Variants in POGZ observed in about 807,000 individuals in gnomAD.
POGZ encodes pogo transposable element derived with ZNF domain, also known as pogo transposable element with ZNF domain.
Under a neutral mutation model 134.6 loss-of-function variants are expected in POGZ, and 17 were observed. The ratio of observed to expected loss-of-function variants is 0.13; its 90% CI spans 0.09 to 0.19. The LOEUF is 0.19. Among genes scored for constraint, POGZ ranks in the 10% least tolerant of loss-of-function variants. POGZ has a pLI of 1.00. For missense variants in POGZ, 1,306 were observed against 1,769.7 expected, an observed-to-expected ratio of 0.74 and a Z score of 4.70; for synonymous variants, 693 against 657.1, an observed-to-expected ratio of 1.05 and a Z score of -0.84.
intron 10 of POGZ, among the ~76,000 whole-genome samples, chr1:151,420,740 G>A (rs911930295): frequency 1.2e-4 from 19 of 152,026 alleles, no homozygotes; most frequent in Non-Finnish European, 2.2e-4. Context: ...ATTTAGATTT[G>A]TATTTCAAAA....
chr1:151,406,899 TCTC>T lies in POGZ; in HGVS notation c.2545+9_2545+11del. On this transcript the variant is annotated intron_variant, in intron 17 of 18. Coordinates refer to ENST00000271715, the MANE Select transcript of POGZ (RefSeq NM_015100.4). Reference sequence around the variant, plus strand: ...TCCCCTTGCTCAACTAATCCCCTTCTCTCCTACTTACCCCGTGGCAGGATGCTG... The same window carrying T: ...TCCCCTTGCTCAACTAATCCCCTTCTCTACTTACCCCGTGGCAGGATGCTG... 6.3e-7 allele frequency: 1 copy of T among 1,593,934 alleles called. No homozygotes were observed. Among genetic ancestry groups the T allele is most frequent in the East Asian group, 2.2e-5 (1 of 44,778 alleles).
intron 3 of POGZ, among the ~76,000 whole-genome samples, chr1:151,438,254 A>G (rs529060542): frequency 7.9e-5 from 12 of 152,282 alleles, no homozygotes; most frequent in African/African-American, 2.9e-4. Context: ...TGATGAAAAA[A>G]GTTACAGAAC....
chr1:151,453,904 C>G lies in POGZ; in HGVS notation c.-2+5248G>C, dbSNP rs146015411. ...AAAACAATATACTATTTAAAAGCAG[C>G]AAAAAGAATCCTGCAGATACACCTG... On this transcript the variant is annotated intron_variant, in intron 1 of 18. Coordinates refer to ENST00000271715, the MANE Select transcript of POGZ (RefSeq NM_015100.4). Among the ~76,000 whole-genome samples, 1,377 of 152,186 alleles carry G rather than the reference C, an allele frequency of 9.0e-3. 19 individuals carry two copies. Among genetic ancestry groups the G allele is most frequent in the African/African-American group, 0.031 (1,278 of 41,526 alleles).
intron 5 of POGZ, 75 bp from the exon 6 acceptor site, chr1:151,428,488 A>C (rs980982559): frequency 7.7e-7 from 1 of 1,292,326 alleles, no homozygotes; most frequent in South Asian, 1.3e-5. Flanking sequence ...CCTTTACTGG[A>C]AAGATTATTT....
intron 3 of POGZ, 140 bp downstream of exon 3, chr1:151,440,788 A>G: frequency 1.5e-6 from 1 of 661,904 alleles, no homozygotes; most frequent in South Asian, 2.2e-5. Context: ...CTTCCGTATC[A>G]GAGAATCATT....
At chr1:151,457,228 T>C (rs1662883268) in intron 1 of POGZ, among the ~76,000 whole-genome samples, 1 of 152,190 alleles carries the variant, frequency 6.6e-6, no homozygotes, top group Admixed American at 6.5e-5. Context: ...TAGTTTGAGA[T>C]ACACCACCAA....
intron 10 of POGZ, among the ~76,000 whole-genome samples, chr1:151,420,625 A>G (rs1254005005): frequency 6.6e-6 from 1 of 152,038 alleles, no homozygotes; most frequent in Non-Finnish European, 1.5e-5. Context: ...TGATTCTAAT[A>G]TACATTCTAC....
chr1:151,425,949 C>A (rs1432260072), intron 7 of POGZ, among the ~76,000 whole-genome samples: 1 of 152,122 alleles, frequency 6.6e-6, no homozygotes, highest in African/African-American at 2.4e-5. Flanking sequence ...AAAGTGGCTG[C>A]ATAATTTTAC....
intron 3 of POGZ, among the ~76,000 whole-genome samples, chr1:151,433,187 G>A (rs1417365200): frequency 6.6e-6 from 1 of 152,184 alleles, no homozygotes; most frequent in Non-Finnish European, 1.5e-5. Context: ...GCATTAGCAA[G>A]TCTCTTAAAG....
At chr1:151,408,018 A>G (rs1286111850) in intron 15 of POGZ, 82 bp downstream of exon 15, 33 of 991,410 alleles carry the variant, frequency 3.3e-5, no homozygotes, top group Non-Finnish European at 4.5e-5. Flanking sequence ...TCTTCAAAAA[A>G]AAAAAAAAAA....
Position 151,404,834 on chromosome 1 carries a change from C to T in POGZ, c.4201G>A (p.Glu1401Lys). The T allele has an allele frequency of 1.2e-6, 2 of 1,612,412 alleles. No individual in the cohort carries two copies. Among genetic ancestry groups the T allele is most frequent in the Non-Finnish European group, 1.7e-6 (2 of 1,179,182 alleles). Residue 1401 changes from glutamate to lysine, a missense_variant, in exon 19 of 19, where the codon GAA becomes AAA. By Grantham distance (56) the Glu-to-Lys change is moderately conservative. Coordinates refer to ENST00000271715, the MANE Select transcript of POGZ (RefSeq NM_015100.4). ...TCCATCAGATCTAGGTCAGCTTCTT[C>T]AAAGCCATAGAAAGACTCGGTCTCA... ...ESETESFYGF[E>K]EADLDLMEI is the part of the protein sequence containing the mutation.
intron 1 of POGZ, among the ~76,000 whole-genome samples, chr1:151,455,918 T>A (rs906077813): frequency 2.9e-4 from 44 of 149,696 alleles, no homozygotes; most frequent in Middle Eastern, 3.4e-3. Flanking sequence ...TTTTTTTTTT[T>A]AATAAATAGA....
rs368563511 is a variant in POGZ at position 151,407,339 on chromosome 1, A to C, written c.2376-48T>G. On this transcript the variant is annotated intron_variant, in intron 15 of 18. Transcript: ENST00000271715. ...ATGAGTTACGGAGTTCTGCTGGCTAAGCTAGAGATCACCAGCCAGTGACAA... is the reference window on the plus strand; with the variant it reads ...ATGAGTTACGGAGTTCTGCTGGCTACGCTAGAGATCACCAGCCAGTGACAA... 3.0e-6 allele frequency: 4 copies of C among 1,325,206 alleles called. No individual in the cohort carries two copies. In the African/African-American group the frequency reaches 5.9e-5, roughly 19 times the overall value. 82.1% of individuals were successfully genotyped at this position (1,325,206 alleles called of 1,614,324 possible). A position where few individuals can be genotyped will look rare whatever the true frequency, so the allele number is the denominator to read the frequency against.
chr1:151,441,966 CACA>C, intron 2 of POGZ, 112 bp downstream of exon 2: 1 of 701,560 alleles, frequency 1.4e-6, no homozygotes, highest in East Asian at 2.7e-5. Flanking sequence ...CAGTGAGTGC[CACA>C]ACGAGGTCTC....
In POGZ at chr1:151,406,764, A is replaced by T. The variant is rs1571330997; in HGVS notation, c.2546-133T>A. The T allele has an allele frequency of 6.9e-6, 7 of 1,018,362 alleles. No homozygotes were observed. The East Asian group carries it at 1.4e-4, about 21-fold the overall frequency. The allele number at this position is 1,018,362 out of a possible 1,614,324, so 63.1% of individuals were successfully genotyped here. A position where few individuals can be genotyped will look rare whatever the true frequency, so the allele number is the denominator to read the frequency against. ...GACCAGCTTTCCCAGTTTTATATAA[A>T]CTTCAGGTCGGAAGGTTTCTAATTA... is the stretch of plus-strand genomic sequence containing the variant. On this transcript the variant is annotated intron_variant, in intron 17 of 18. Coordinates refer to ENST00000271715, the MANE Select transcript of POGZ (RefSeq NM_015100.4).
At position 151,406,603 on chromosome 1, in the gene POGZ, T is replaced by C. The variant is rs1396272960; in HGVS notation, c.2570+4A>G. Reference sequence around the variant, plus strand: ...AATTAAATTGTGAGGTGAGTTTTTGTTACCTTGAGTGAGCTATCCAAGTGA... The same window carrying C: ...AATTAAATTGTGAGGTGAGTTTTTGCTACCTTGAGTGAGCTATCCAAGTGA... On this transcript the variant is annotated splice_donor_region_variant and intron_variant, in intron 18 of 18. Coordinates refer to ENST00000271715, the MANE Select transcript of POGZ (RefSeq NM_015100.4). The C allele has an allele frequency of 2.1e-5, 34 of 1,610,522 alleles. No individual in the cohort carries two copies. The highest frequency in any genetic ancestry group is 2.7e-5 in the Non-Finnish European group (32 of 1,179,004).
chr1:151,414,160 C>A (rs1655209898), intron 10 of POGZ, among the ~76,000 whole-genome samples: 1 of 152,058 alleles, frequency 6.6e-6, no homozygotes, highest in South Asian at 2.1e-4. Context: ...GCTCAGCCAG[C>A]CAGAGAGAGG....
At chr1:151,453,477 A>G (rs1051108652) in intron 1 of POGZ, among the ~76,000 whole-genome samples, 1 of 150,516 alleles carries the variant, frequency 6.6e-6, no homozygotes, top group African/African-American at 2.4e-5. Flanking sequence ...CTTAATATAC[A>G]TTTCTTAAGA....
intron 7 of POGZ, 138 bp downstream of exon 7, chr1:151,427,685 A>C (rs1380235584): frequency 3.1e-6 from 2 of 644,156 alleles, no homozygotes; most frequent in Non-Finnish European, 2.7e-6. Context: ...TCTCCTTACT[A>C]AAGTTTCTGT....
Sources: allele counts gnomAD v4.1 joint callset (sites outside exome capture counted in the v4.1 genomes callset), GRCh38; gene constraint gnomAD v4.1.1; transcripts MANE v1.5; gene names NCBI Gene and HGNC (gene_info 2026-07-23, HGNC 2026-07-21).